LHX8: variants seen among roughly 807,000 people sequenced by gnomAD.
LHX8 encodes the protein LIM homeobox 8.
In LHX8, 12 loss-of-function variants were observed where a neutral mutation model predicts 40.3. That is an observed-to-expected ratio of 0.30 (90% confidence interval 0.19 to 0.48). The LOEUF is 0.48. LHX8 is among the 20% of genes least tolerant of loss of function. LHX8 has a pLI of 0.99. For missense variants in LHX8, 344 were observed against 433.7 expected (o/e 0.79, Z 1.84); for synonymous variants, 179 against 162.0 (o/e 1.10, Z -0.80).
At chr1:75,195,327 C>T in the LHX8 span, among the ~76,000 whole-genome samples, 3 of 152,182 alleles carry the variant, frequency 2.0e-5, no homozygotes, top group East Asian at 3.9e-4. Context: ...CATGCCCATG[C>T]GCCCTTCCTC....
In LHX8 at chr1:75,148,594, A is replaced by G; in HGVS notation, c.692A>G (p.Gln231Arg). ...ACATGTTTTAAACAACAGGTTATGC[A>G]AGCACAATTTGCTCAGGACAACAAC... ...SFTADQLQVM[Q>R]AQFAQDNNPD... is the part of the protein sequence containing the mutation. Residue 231 changes from glutamine (Q) to arginine (R), a missense_variant, in exon 7 of 9, where the codon CAA becomes CGA. Gln to Arg is a conservative substitution (Grantham distance 43, BLOSUM62 1). This residue lies in a region of LHX8 where 147 missense variants were observed against 250.8 expected (regional missense o/e 0.59). Transcript: ENST00000356261. The G allele has an allele frequency of 6.2e-7, 1 of 1,613,292 alleles. No homozygotes were observed. The highest frequency in any genetic ancestry group is 1.1e-5 in the South Asian group (1 of 91,062).
chr1:75,172,304 G>T, the LHX8 span, among the ~76,000 whole-genome samples: 11 of 152,026 alleles, frequency 7.2e-5, no homozygotes, highest in Non-Finnish European at 1.3e-4. Context: ...GAATTATTTT[G>T]CCCTCGTAAG....
chr1:75,157,676 C>T (rs1648806987), intron 8 of LHX8, among the ~76,000 whole-genome samples: 1 of 152,200 alleles, frequency 6.6e-6, no homozygotes, highest in Admixed American at 6.5e-5. Context: ...TTTTGAACCA[C>T]ACAGAATGTA....
upstream of LHX8, chr1:75,130,859 A>G: frequency 1.1e-6 from 1 of 917,602 alleles, no homozygotes; most frequent in Admixed American, 1.8e-5. Flanking sequence ...ACCAAGTGTG[A>G]CATCCACAGT....
chr1:75,143,692 A>G (rs1042810874), intron 5 of LHX8, among the ~76,000 whole-genome samples, 153 bp from the exon 6 acceptor site: 1 of 152,198 alleles, frequency 6.6e-6, no homozygotes, highest in African/African-American at 2.4e-5. Flanking sequence ...TTTGTACAGT[A>G]TATCTGTAGT....
At chr1:75,130,836 C>A (rs1285633559), upstream of LHX8, 1 of 1,123,436 alleles carries the variant, frequency 8.9e-7, no homozygotes, top group Non-Finnish European at 1.4e-6. Context: ...AAGACACGGT[C>A]TCCTAACCCT....
the LHX8 span, among the ~76,000 whole-genome samples, chr1:75,185,657 C>A: frequency 6.6e-6 from 1 of 152,160 alleles, no homozygotes; most frequent in African/African-American, 2.4e-5. Context: ...CCCTCTCTCA[C>A]CACTCCTATT....
At position 75,160,758 on chromosome 1, in the gene LHX8, T is replaced by A. The variant is rs371439334; in HGVS notation, c.965-61T>A. On this transcript the variant is annotated intron_variant, in intron 8 of 8. Coordinates refer to ENST00000356261, the MANE Select transcript of LHX8 (RefSeq NM_001256114.2). Reference sequence around the variant, plus strand: ...CAATGCCTTGGATTGTTTTTGTTTGTTTATAAATCAGTTTTATGCACCCTA... The same window carrying A: ...CAATGCCTTGGATTGTTTTTGTTTGATTATAAATCAGTTTTATGCACCCTA... The A allele has an allele frequency of 9.8e-4, 1,087 of 1,113,666 alleles. 7 individuals carry two copies. The African/African-American group carries it at 0.015, about 15-fold the overall frequency. 69.0% of individuals were successfully genotyped at this position (1,113,666 alleles called of 1,614,324 possible).
the LHX8 span, among the ~76,000 whole-genome samples, chr1:75,171,765 A>C: frequency 3.3e-5 from 5 of 152,170 alleles, no homozygotes; most frequent in African/African-American, 7.2e-5. Context: ...TGACTTATAA[A>C]GTTTCTCTTG....
the LHX8 span, among the ~76,000 whole-genome samples, chr1:75,193,127 C>T: frequency 6.6e-6 from 1 of 152,226 alleles, no homozygotes; most frequent in Non-Finnish European, 1.5e-5. Flanking sequence ...CAGGCTCCTT[C>T]ATCTCTCTAT....
chr1:75,130,366 A>G (rs1647930432), upstream of LHX8: 2 of 430,246 alleles, frequency 4.6e-6, no homozygotes, highest in Non-Finnish European at 8.6e-6. Context: ...GGTCCTCCAG[A>G]ACCGCTTGAA....
In LHX8 at chr1:75,136,691, T is replaced by TGA; in HGVS notation, c.75+4_75+5dup. On this transcript the variant is annotated splice_region_variant and intron_variant, in intron 2 of 8. Transcript: ENST00000356261. ...AAAGGCGCCGGGGAAGAGGGACTGGTGAGTGCGGAGGGGCTCGCGTGCTGG... is the reference window on the plus strand; with the variant it reads ...AAAGGCGCCGGGGAAGAGGGACTGGTGAGAGTGCGGAGGGGCTCGCGTGCTGG... The TGA allele has an allele frequency of 4.5e-6, 7 of 1,543,792 alleles. No individual in the cohort carries two copies. The highest frequency in any genetic ancestry group is 2.7e-5 in the African/African-American group (2 of 72,864).
chr1:75,143,771 T>C (rs1054776839), intron 5 of LHX8, 74 bp from the exon 6 acceptor site: 9 of 1,139,940 alleles, frequency 7.9e-6, no homozygotes, highest in African/African-American at 7.6e-5. Context: ...CCAAGAGATA[T>C]AAGAAACCTG....
chr1:75,147,743 T>C (rs965203702), intron 6 of LHX8, among the ~76,000 whole-genome samples: 1 of 152,194 alleles, frequency 6.6e-6, no homozygotes, highest in Non-Finnish European at 1.5e-5. Flanking sequence ...GTAATAAAAT[T>C]CAAGTATCTC....
At chr1:75,166,385 T>C (rs1480800610), downstream of LHX8, among the ~76,000 whole-genome samples, 1 of 152,230 alleles carries the variant, frequency 6.6e-6, no homozygotes, top group Non-Finnish European at 1.5e-5. Context: ...AAATTTAGTT[T>C]GCAGAAATGA....
At chr1:75,148,446 C>A (rs2100348075) in intron 6 of LHX8, 141 bp from the exon 7 acceptor site, 1 of 686,984 alleles carries the variant, frequency 1.5e-6, no homozygotes, top group Non-Finnish European at 2.7e-6. Context: ...TTTCACTTAC[C>A]CATATTTCCC....
chr1:75,181,499 T>G, the LHX8 span, among the ~76,000 whole-genome samples: 1 of 152,216 alleles, frequency 6.6e-6, no homozygotes, highest in Non-Finnish European at 1.5e-5. Flanking sequence ...TGGGACCCTC[T>G]GAGCCAGGCA....
In LHX8 at chr1:75,143,836, T is replaced by C. The variant is rs200350033; in HGVS notation, c.581-9T>C. The stretch of plus-strand genomic sequence containing the variant: ...TTACCAACATATATAGTGTGTTTTT[T>C]AAATGCAGGGAATGGGATTAGTGTG... On this transcript the variant is annotated splice_polypyrimidine_tract_variant and intron_variant, in intron 5 of 8. Transcript: ENST00000356261. The C allele has an allele frequency of 1.9e-5, 31 of 1,604,638 alleles. No homozygotes were observed. The highest frequency in any genetic ancestry group is 2.5e-5 in the Non-Finnish European group (29 of 1,171,638).
chr1:75,169,360 T>C, the LHX8 span, among the ~76,000 whole-genome samples: 1 of 152,206 alleles, frequency 6.6e-6, no homozygotes, highest in African/African-American at 2.4e-5. Context: ...AGCACACCAC[T>C]ACCCACTTTG....
Sources: allele counts gnomAD v4.1 joint callset (sites outside exome capture counted in the v4.1 genomes callset), GRCh38; gene constraint gnomAD v4.1.1; regional missense constraint gnomAD v4.1.1; transcripts MANE v1.5; gene names NCBI Gene and HGNC (gene_info 2026-07-23, HGNC 2026-07-21).